The following TARS3 variants were observed in gnomAD, a reference collection of about 807,000 sequenced individuals.
The protein encoded by TARS3 is threonine--tRNA ligase 2, cytoplasmic.
A neutral mutation model predicts 103.5 loss-of-function variants in TARS3; 94 were observed. The ratio of observed to expected loss-of-function variants is 0.91; its 90% confidence interval spans 0.77 to 1.08. The LOEUF (loss-of-function observed/expected upper bound fraction) is 1.08. Among genes scored for constraint, TARS3 ranks in the 50% least tolerant of loss-of-function variants. The pLI is 0.00. For synonymous variants in TARS3, 416 were observed against 355.4 expected (o/e 1.17, Z -1.92); for missense variants, 952 against 995.2 (o/e 0.96, Z 0.58).
At chr15:101,717,008 C>T (rs1285991768) in intron 3 of TARS3, among the ~76,000 whole-genome samples, 2 of 152,086 alleles carry the variant, frequency 1.3e-5, no homozygotes, top group Non-Finnish European at 2.9e-5. Context: ...AGGCACATGC[C>T]ACCATGTCCG....
intron 4 of TARS3, among the ~76,000 whole-genome samples, chr15:101,713,956 T>C (rs1323583083): frequency 6.6e-6 from 1 of 152,224 alleles, no homozygotes; most frequent in African/African-American, 2.4e-5. Flanking sequence ...AATTATAATA[T>C]GGTTCTTATA....
intron 18 of TARS3, among the ~76,000 whole-genome samples, chr15:101,655,217 C>T (rs1471998133): frequency 7.0e-6 from 1 of 142,458 alleles, no homozygotes; most frequent in East Asian, 2.2e-4. Flanking sequence ...CTTACAGGCT[C>T]ACACTGACCC....
intron 13 of TARS3, among the ~76,000 whole-genome samples, chr15:101,673,126 AT>A (rs1185824459): frequency 6.6e-6 from 1 of 152,220 alleles, no homozygotes; most frequent in African/African-American, 2.4e-5. Flanking sequence ...CACCTCAGTG[AT>A]TTCCAGGCCA....
chr15:101,707,727 G>A (rs1329339200), intron 6 of TARS3, among the ~76,000 whole-genome samples: 1 of 152,118 alleles, frequency 6.6e-6, no homozygotes, highest in African/African-American at 2.4e-5. Context: ...TGTTTAATGG[G>A]TATAGAGTTT....
intron 18 of TARS3, chr15:101,655,866 C>A: frequency 7.8e-7 from 1 of 1,282,130 alleles, no homozygotes; most frequent in Non-Finnish European, 1.0e-6. Flanking sequence ...ACCTGGCATA[C>A]CTGATGAGCC....
At chr15:101,713,365 T>G (rs1405663794) in intron 4 of TARS3, among the ~76,000 whole-genome samples, 1 of 152,232 alleles carries the variant, frequency 6.6e-6, no homozygotes, top group Admixed American at 6.5e-5. Context: ...GCTTGCATTT[T>G]ACTCCAAATG....
chr15:101,709,297 G>T (rs1351296499), intron 5 of TARS3, among the ~76,000 whole-genome samples: 1 of 152,226 alleles, frequency 6.6e-6, no homozygotes, highest in African/African-American at 2.4e-5. Flanking sequence ...AACCAAGGCT[G>T]GGAGACATCT....
chr15:101,669,311 T>A (rs537209579), intron 15 of TARS3, among the ~76,000 whole-genome samples: 1 of 152,232 alleles, frequency 6.6e-6, no homozygotes, highest in Admixed American at 6.5e-5. Context: ...CTATAATGTA[T>A]TTGTGTTTTA....
chr15:101,707,134 G>A (rs1899606513), intron 6 of TARS3, among the ~76,000 whole-genome samples: 2 of 151,948 alleles, frequency 1.3e-5, no homozygotes, highest in African/African-American at 4.8e-5. Flanking sequence ...AAACCCCAAT[G>A]AGATACCACT....
At chr15:101,719,959 T>C (rs944661215) in intron 3 of TARS3, among the ~76,000 whole-genome samples, 2 of 152,198 alleles carry the variant, frequency 1.3e-5, no homozygotes, top group Non-Finnish European at 2.9e-5. Flanking sequence ...TCTAACAAGT[T>C]TCCAGGTGAT....
chr15:101,695,130 C>T (rs374974883), intron 10 of TARS3, among the ~76,000 whole-genome samples: 1 of 152,222 alleles, frequency 6.6e-6, no homozygotes, highest in East Asian at 1.9e-4. Flanking sequence ...AAAATTTACA[C>T]GCCATAAAAT....
At chr15:101,675,765 A>G in intron 12 of TARS3, 28 bp from the exon 13 acceptor site, 2 of 1,591,546 alleles carry the variant, frequency 1.3e-6, no homozygotes, top group African/African-American at 1.4e-5. Context: ...GAAACATTCA[A>G]ATAGAACATC....
chr15:101,665,488 T>C (rs529341587), intron 15 of TARS3, among the ~76,000 whole-genome samples: 1 of 152,322 alleles, frequency 6.6e-6, no homozygotes, highest in African/African-American at 2.4e-5. Flanking sequence ...CCATTTAAAA[T>C]TGTACAGCGT....
At chr15:101,715,884 G>A (rs918758807) in intron 3 of TARS3, among the ~76,000 whole-genome samples, 3 of 151,970 alleles carry the variant, frequency 2.0e-5, no homozygotes, top group Admixed American at 2.0e-4. Flanking sequence ...TCAATTGAAC[G>A]CATCACTTCC....
chr15:101,676,142 C>T (rs1218821659), intron 12 of TARS3, among the ~76,000 whole-genome samples: 2 of 152,138 alleles, frequency 1.3e-5, no homozygotes, highest in African/African-American at 2.4e-5. Context: ...GGGCTGCATA[C>T]GATGGGCTGA....
At chr15:101,705,446 A>C (rs1056277369) in intron 7 of TARS3, among the ~76,000 whole-genome samples, 1 of 152,202 alleles carries the variant, frequency 6.6e-6, no homozygotes, top group African/African-American at 2.4e-5. Context: ...ATGGAGAAAA[A>C]TCCTGTTATA....
chr15:101,698,251 G>A (rs1899079690), intron 10 of TARS3, among the ~76,000 whole-genome samples: 1 of 152,100 alleles, frequency 6.6e-6, no homozygotes, highest in African/African-American at 2.4e-5. Flanking sequence ...AGAATGGCGT[G>A]AGCCTGGGAG....
At chr15:101,684,501 T>G (rs568812646) in intron 11 of TARS3, among the ~76,000 whole-genome samples, 8 of 152,306 alleles carry the variant, frequency 5.3e-5, no homozygotes, top group African/African-American at 1.9e-4. Context: ...AATCACCATT[T>G]ACTGTTTATG....
At chr15:101,658,676 G>A (rs1462939960) in intron 16 of TARS3, among the ~76,000 whole-genome samples, 2 of 152,182 alleles carry the variant, frequency 1.3e-5, no homozygotes, top group South Asian at 4.1e-4. Flanking sequence ...TGGTGAAATC[G>A]GAACAAGGTT....
Sources: allele counts gnomAD v4.1 joint callset (sites outside exome capture counted in the v4.1 genomes callset), GRCh38; gene constraint gnomAD v4.1.1; transcripts MANE v1.5; gene names NCBI Gene and HGNC (gene_info 2026-07-23, HGNC 2026-07-21).